TMEM135: variants seen among roughly 807,000 people sequenced by gnomAD.
TMEM135 encodes peroxisomal membrane protein 52.
Under a neutral mutation model 60.3 loss-of-function variants are expected in TMEM135, and 30 were observed. That is an observed-to-expected ratio of 0.50 (90% CI 0.37 to 0.68). TMEM135 has a LOEUF of 0.68. Ranked by LOEUF, TMEM135 falls within the 30% of genes least tolerant of loss-of-function variation. The pLI, the probability that TMEM135 is intolerant of heterozygous loss-of-function variation, is 0.00. For synonymous variants in TMEM135, 190 were observed against 186.7 expected, an observed-to-expected ratio of 1.02 and a Z score of -0.14; for missense variants, 468 against 548.8, an observed-to-expected ratio of 0.85 and a Z score of 1.47.
chr11:87,129,543 A>ATTTT (rs1565453946), intron 4 of TMEM135, among the ~76,000 whole-genome samples: 1 of 41,614 alleles, frequency 2.4e-5, no homozygotes, highest in Non-Finnish European at 4.0e-5. Flanking sequence ...ATGCTTGGCC[A>ATTTT]ATTTTTTTTT....
chr11:87,292,568 G>A (rs372155868), intron 6 of TMEM135, among the ~76,000 whole-genome samples: 3 of 152,160 alleles, frequency 2.0e-5, no homozygotes, highest in Non-Finnish European at 2.9e-5. Context: ...CATTGAACAC[G>A]GATTACAATT....
At chr11:87,054,035 A>C (rs1420316421) in intron 1 of TMEM135, among the ~76,000 whole-genome samples, 4 of 152,248 alleles carry the variant, frequency 2.6e-5, no homozygotes, top group Non-Finnish European at 5.9e-5. Context: ...TTGTTCTTAC[A>C]TATCATATGT....
intron 2 of TMEM135, among the ~76,000 whole-genome samples, chr11:87,068,926 C>T (rs1052483494): frequency 1.3e-5 from 2 of 151,732 alleles, no homozygotes; most frequent in African/African-American, 4.8e-5. Flanking sequence ...ATTGATAAGG[C>T]TTTTATACTA....
At chr11:87,092,631 T>G (rs1362731468) in intron 4 of TMEM135, among the ~76,000 whole-genome samples, 1 of 152,178 alleles carries the variant, frequency 6.6e-6, no homozygotes, top group East Asian at 1.9e-4. Flanking sequence ...TTATTCTCCT[T>G]GAAAGAATTC....
intron 1 of TMEM135, among the ~76,000 whole-genome samples, chr11:87,058,267 A>C (rs962980890): frequency 6.6e-6 from 1 of 152,218 alleles, no homozygotes; most frequent in African/African-American, 2.4e-5. Context: ...AGATTGATAC[A>C]TAAAATTAAA....
At chr11:87,140,436 T>G (rs1229604566) in intron 4 of TMEM135, among the ~76,000 whole-genome samples, 1 of 152,098 alleles carries the variant, frequency 6.6e-6, no homozygotes, top group East Asian at 1.9e-4. Flanking sequence ...GAGCAAAAGG[T>G]TTTTAATTTT....
At chr11:87,159,729 A>G (rs945901325) in intron 5 of TMEM135, among the ~76,000 whole-genome samples, 2 of 152,144 alleles carry the variant, frequency 1.3e-5, no homozygotes, top group African/African-American at 4.8e-5. Context: ...AATAATTGGA[A>G]AAAGGAAAAA....
chr11:87,167,230 A>G (rs879252109), intron 5 of TMEM135, among the ~76,000 whole-genome samples: 2 of 152,202 alleles, frequency 1.3e-5, no homozygotes, highest in Non-Finnish European at 2.9e-5. Flanking sequence ...TTTTCTAAAT[A>G]TACAATTATG....
Position 87,295,829 on chromosome 11 carries a change from A to T in TMEM135, c.551+6A>T, listed in dbSNP as rs2135434080. On this transcript the variant is annotated splice_donor_region_variant and intron_variant, in intron 7 of 14. Coordinates refer to ENST00000305494, the MANE Select transcript of TMEM135 (RefSeq NM_022918.4). The stretch of plus-strand genomic sequence containing the variant: ...TTTACATTTTCTGCACTTAGGTAAG[A>T]AACATTTATTTTTATGTTGAGAGAG... 1 of 1,603,694 alleles carries T rather than the reference A, an allele frequency of 6.2e-7. No homozygotes were observed. The highest frequency in any genetic ancestry group is 8.5e-7 in the Non-Finnish European group (1 of 1,172,606).
intron 6 of TMEM135, among the ~76,000 whole-genome samples, chr11:87,257,875 G>T (rs372386812): frequency 2.6e-4 from 39 of 152,122 alleles, no homozygotes; most frequent in African/African-American, 7.9e-4. Flanking sequence ...TATTTCAATG[G>T]TATCTCAATA....
At chr11:87,203,273 G>A (rs188485480) in intron 5 of TMEM135, among the ~76,000 whole-genome samples, 1 of 152,070 alleles carries the variant, frequency 6.6e-6, no homozygotes, top group East Asian at 1.9e-4. Context: ...TATGGGTTTG[G>A]ATGAATGTAT....
chr11:87,049,420 C>G lies in TMEM135; in HGVS notation c.141+11234C>G, dbSNP rs1054352858. Among the ~76,000 whole-genome samples the G allele has an allele frequency of 2.6e-4, 23 of 87,694 alleles. 4 individuals are homozygous for G. Among genetic ancestry groups the G allele is most frequent in the African/African-American group, 1.0e-3 (17 of 16,894 alleles). The allele number at this position is 87,694 out of a possible 152,430, so 57.5% of individuals were successfully genotyped here. A position where few individuals can be genotyped will look rare whatever the true frequency, so the allele number is the denominator to read the frequency against. On this transcript the variant is annotated intron_variant, in intron 1 of 14. Transcript: ENST00000305494. ...ATCAGTGTGCTGTATTCAGGAAACCCATCTCACATGCAGAGACACACATAG... is the reference window on the plus strand; with the variant it reads ...ATCAGTGTGCTGTATTCAGGAAACCGATCTCACATGCAGAGACACACATAG...
chr11:87,175,065 T>C (rs1021924262), intron 5 of TMEM135, among the ~76,000 whole-genome samples: 43 of 152,162 alleles, frequency 2.8e-4, no homozygotes, highest in African/African-American at 7.2e-4. Context: ...AGAAGAAATG[T>C]ATCTTTTAAT....
chr11:87,149,420 G>C (rs1335593818), intron 4 of TMEM135, among the ~76,000 whole-genome samples: 1 of 152,150 alleles, frequency 6.6e-6, no homozygotes, highest in Non-Finnish European at 1.5e-5. Context: ...AGAGGGAAGG[G>C]GAAGAGAAAA....
intron 5 of TMEM135, among the ~76,000 whole-genome samples, chr11:87,234,052 A>C (rs1940942948): frequency 1.3e-5 from 2 of 152,112 alleles, no homozygotes; most frequent in African/African-American, 4.8e-5. Context: ...TAACTAAAAT[A>C]ATAACAAACA....
chr11:87,181,017 A>G (rs1939500358), intron 5 of TMEM135, among the ~76,000 whole-genome samples: 1 of 152,226 alleles, frequency 6.6e-6, no homozygotes, highest in South Asian at 2.1e-4. Context: ...GAATTATGAC[A>G]AAGTTCTTAG....
At position 87,324,836 on chromosome 11, in the gene TMEM135, A is replaced by G. The variant is rs1942888904; in HGVS notation, c.*3503A>G. 6.6e-6 allele frequency: 3 copies of G among 453,800 alleles called. No homozygotes were observed. The highest frequency in any genetic ancestry group is 1.3e-5 in the Non-Finnish European group (3 of 226,748). 28.1% of individuals were successfully genotyped at this position (453,800 alleles called of 1,614,324 possible). ...TTTCTTACTAAGATATCTTATAAAC[A>G]TTCTCTCTCCTAACACCTCCTTCTA... On this transcript the variant is annotated 3_prime_UTR_variant, in exon 15 of 15. Coordinates refer to ENST00000305494, the MANE Select transcript of TMEM135 (RefSeq NM_022918.4).
chr11:87,253,397 G>A (rs1941459526), intron 6 of TMEM135, among the ~76,000 whole-genome samples: 2 of 152,046 alleles, frequency 1.3e-5, no homozygotes, highest in African/African-American at 4.8e-5. Flanking sequence ...CAATAAAAAT[G>A]ACATTCTTAG....
intron 6 of TMEM135, among the ~76,000 whole-genome samples, chr11:87,268,674 AT>A (rs148747982): frequency 0.36 from 53,477 of 149,658 alleles, 9,968 homozygotes; most frequent in Non-Finnish European, 0.42. Flanking sequence ...CCTATTTGCT[AT>A]TTTTTTTTTG....
Sources: allele counts gnomAD v4.1 joint callset (sites outside exome capture counted in the v4.1 genomes callset), GRCh38; gene constraint gnomAD v4.1.1; transcripts MANE v1.5; gene names NCBI Gene and HGNC (gene_info 2026-07-23, HGNC 2026-07-21).